TC2N: variants seen among roughly 807,000 people sequenced by gnomAD.
TC2N encodes tandem C2 domains nuclear protein.
In TC2N, 51 loss-of-function variants were observed where a neutral mutation model predicts 61.9. The observed-to-expected ratio is 0.82, with a 90% CI of 0.66 to 1.04. The LOEUF (loss-of-function observed/expected upper bound fraction) is 1.04, where lower values mean the gene tolerates loss of function less well. TC2N is among the 50% of genes least tolerant of loss of function. TC2N has a pLI of 0.00. For missense variants in TC2N, 556 were observed against 566.7 expected, an observed-to-expected ratio of 0.98 and a Z score of 0.19; for synonymous variants, 204 against 192.6, an observed-to-expected ratio of 1.06 and a Z score of -0.49.
At chr14:91,850,386 C>T (rs927264574) in intron 1 of TC2N, among the ~76,000 whole-genome samples, 2 of 152,176 alleles carry the variant, frequency 1.3e-5, no homozygotes, top group Non-Finnish European at 2.9e-5. Context: ...CACTATAAAG[C>T]GGGGGTCCCC....
chr14:91,854,872 C>T (rs1376562624), intron 1 of TC2N, among the ~76,000 whole-genome samples: 1 of 152,154 alleles, frequency 6.6e-6, no homozygotes, highest in Non-Finnish European at 1.5e-5. Flanking sequence ...GAGAAGGAGC[C>T]AGTCCTCCCC....
chr14:91,857,734 A>G (rs1405921455), intron 1 of TC2N, among the ~76,000 whole-genome samples: 1 of 152,184 alleles, frequency 6.6e-6, no homozygotes, highest in African/African-American at 2.4e-5. Context: ...GATTCGCACT[A>G]TGATGTACAG....
intron 9 of TC2N, among the ~76,000 whole-genome samples, chr14:91,787,853 C>T (rs1348818066): frequency 1.3e-5 from 2 of 151,928 alleles, no homozygotes; most frequent in Non-Finnish European, 2.9e-5. Flanking sequence ...TGTACTGAAA[C>T]TTCAAAATCT....
intron 1 of TC2N, among the ~76,000 whole-genome samples, chr14:91,836,724 G>C (rs565806979): frequency 3.2e-4 from 48 of 152,298 alleles, no homozygotes; most frequent in African/African-American, 1.0e-3. Flanking sequence ...TGCGTCCTCC[G>C]CGACTCCGCG....
At chr14:91,814,136 CAA>C (rs937933028) in intron 1 of TC2N, among the ~76,000 whole-genome samples, 2 of 147,134 alleles carry the variant, frequency 1.4e-5, no homozygotes, top group African/African-American at 2.5e-5. Context: ...TATAGAGTAA[CAA>C]GAGGGGTGTG....
intron 1 of TC2N, among the ~76,000 whole-genome samples, chr14:91,849,531 A>C (rs992800160): frequency 2.0e-4 from 30 of 152,190 alleles, no homozygotes; most frequent in East Asian, 1.9e-4. Flanking sequence ...TAGTACACAA[A>C]TCACACCAGG....
intron 1 of TC2N, among the ~76,000 whole-genome samples, chr14:91,849,979 G>A (rs1475326441): frequency 6.6e-6 from 1 of 151,762 alleles, no homozygotes; most frequent in African/African-American, 2.4e-5. Context: ...AACCTGGGAG[G>A]TGGAGGTTGC....
intron 1 of TC2N, chr14:91,836,654 G>A (rs1267569432): frequency 6.6e-6 from 1 of 152,124 alleles, no homozygotes. Context: ...GAGTGGAGTG[G>A]CGCAGAAGGG....
At chr14:91,833,406 T>C (rs1887872560) in intron 1 of TC2N, among the ~76,000 whole-genome samples, 1 of 152,168 alleles carries the variant, frequency 6.6e-6, no homozygotes, top group Non-Finnish European at 1.5e-5. Context: ...TCTTCTATTC[T>C]TTATTTTTAT....
At chr14:91,813,870 A>G in intron 1 of TC2N, 45 bp from the exon 2 acceptor site, 2 of 702,230 alleles carry the variant, frequency 2.8e-6, no homozygotes, top group Non-Finnish European at 4.9e-6. Flanking sequence ...GTCATGCTTA[A>G]TACCATTAGA....
At position 91,867,367 on chromosome 14, in the gene TC2N, T is replaced by A. The variant is rs1162949647; in HGVS notation, c.-162A>T. On this transcript the variant is annotated 5_prime_UTR_variant, in exon 1 of 12. Coordinates refer to ENST00000435962, the MANE Select transcript of TC2N (RefSeq NM_001128596.3). ...TCCATCCTTCTTCCCAGCCCCTGAG[T>A]CTCCCTACACAGCAGGGACCCAGGC... 7 of 152,112 alleles carry A rather than the reference T, an allele frequency of 4.6e-5. No homozygotes were observed. Among genetic ancestry groups the A allele is most frequent in the Admixed American group, 2.0e-4 (3 of 15,268 alleles). The allele number at this position is 152,112 out of a possible 1,614,324, so 9.4% of individuals were successfully genotyped here. A position where few individuals can be genotyped will look rare whatever the true frequency, so the allele number is the denominator to read the frequency against.
intron 1 of TC2N, among the ~76,000 whole-genome samples, chr14:91,822,905 C>T (rs368082472): frequency 4.0e-5 from 6 of 151,452 alleles, no homozygotes; most frequent in Non-Finnish European, 8.9e-5. Flanking sequence ...TTAGTAGAGA[C>T]GGGGTTTCAC....
At chr14:91,789,924 G>C (rs937096824) in intron 9 of TC2N, among the ~76,000 whole-genome samples, 2 of 152,300 alleles carry the variant, frequency 1.3e-5, no homozygotes, top group East Asian at 3.9e-4. Context: ...AGCATCATTA[G>C]AGAACATCAC....
At chr14:91,854,745 C>T (rs568417771) in intron 1 of TC2N, among the ~76,000 whole-genome samples, 38 of 152,198 alleles carry the variant, frequency 2.5e-4, no homozygotes, top group Admixed American at 4.6e-4. Flanking sequence ...AACTGACAGA[C>T]GGACAGGTCC....
intron 1 of TC2N, among the ~76,000 whole-genome samples, chr14:91,818,579 C>A (rs1887108483): frequency 1.3e-5 from 2 of 151,766 alleles, no homozygotes; most frequent in Admixed American, 1.3e-4. Context: ...AAAAAAAAAT[C>A]AATCAATTAG....
chr14:91,851,943 T>A (rs1888384062), intron 1 of TC2N, among the ~76,000 whole-genome samples: 1 of 152,272 alleles, frequency 6.6e-6, no homozygotes, highest in Admixed American at 6.5e-5. Context: ...TTCTGAATTA[T>A]CTGAAGTACA....
At chr14:91,806,076 G>T (rs1345542185) in intron 3 of TC2N, among the ~76,000 whole-genome samples, 1 of 151,652 alleles carries the variant, frequency 6.6e-6, no homozygotes, top group African/African-American at 2.4e-5. Context: ...TTTTTTAAAG[G>T]GGTTTCCCCT....
chr14:91,803,083 C>G (rs1373435169), intron 3 of TC2N, among the ~76,000 whole-genome samples: 1 of 151,852 alleles, frequency 6.6e-6, no homozygotes, highest in Non-Finnish European at 1.5e-5. Context: ...AATAGACACC[C>G]GTTTCATGAA....
At chr14:91,826,126 C>T (rs989539634) in intron 1 of TC2N, among the ~76,000 whole-genome samples, 1 of 151,982 alleles carries the variant, frequency 6.6e-6, no homozygotes, top group Non-Finnish European at 1.5e-5. Flanking sequence ...CAAGACCAGC[C>T]TGTACAATAT....
Sources: gnomAD v4.1 joint callset for allele counts (sites outside exome capture counted in the v4.1 genomes callset) on GRCh38, gnomAD v4.1.1 for gene constraint, MANE v1.5 for transcripts, NCBI Gene and HGNC (gene_info 2026-07-23, HGNC 2026-07-21) for gene names.